CD1B: variants seen among roughly 807,000 people sequenced by gnomAD.
CD1B encodes T-cell surface glycoprotein CD1b.
A neutral mutation model predicts 39.8 loss-of-function variants in CD1B; 43 were observed. That is an observed-to-expected ratio of 1.08 (90% CI 0.85 to 1.39). The LOEUF is 1.39. CD1B is among the 40% of genes most tolerant of loss of function. The probability of loss-of-function intolerance (pLI) is 0.00; values close to 1 mark genes in which losing one functional copy is unlikely to be tolerated. For missense variants in CD1B, 495 were observed against 403.8 expected (o/e 1.23, Z -1.94); for synonymous variants, 192 against 152.5 (o/e 1.26, Z -1.91).
the CD1B span, among the ~76,000 whole-genome samples, chr1:158,304,857 C>A: frequency 1.3e-5 from 2 of 152,222 alleles, no homozygotes; most frequent in Non-Finnish European, 2.9e-5. Flanking sequence ...CAAACTCCAA[C>A]AGACCTGCTG....
At chr1:158,286,641 C>T in the CD1B span, among the ~76,000 whole-genome samples, 1 of 152,144 alleles carries the variant, frequency 6.6e-6, no homozygotes, top group Non-Finnish European at 1.5e-5. Context: ...AGCAGGACTA[C>T]ATATCAGTCA....
the CD1B span, among the ~76,000 whole-genome samples, chr1:158,319,526 G>T: frequency 6.6e-6 from 1 of 152,116 alleles, no homozygotes; most frequent in African/African-American, 2.4e-5. Flanking sequence ...ACTCCTTTAA[G>T]CACTTCTCTG....
intron 1 of CD1B, 88 bp from the exon 2 acceptor site, chr1:158,331,150 A>G: frequency 7.3e-7 from 1 of 1,366,090 alleles, no homozygotes; most frequent in African/African-American, 1.5e-5. Flanking sequence ...GATTTAGAAA[A>G]CAAGAACCTA....
Position 158,329,944 on chromosome 1 carries a change from A to G in CD1B, c.515T>C (p.Ile172Thr). ...GAGGAGAATTCTCACAGTTTCCATGATACCTTGATATTGTATGATTAGTGC... is the reference window on the plus strand; with the variant it reads ...GAGGAGAATTCTCACAGTTTCCATGGTACCTTGATATTGTATGATTAGTGC... ...FCALIIQYQGIMETVRILLYE... is the reference protein window; with the variant it reads ...FCALIIQYQGTMETVRILLYE... Residue 172 changes from isoleucine to threonine, a missense_variant, in exon 3 of 6, where the codon ATC becomes ACC. By Grantham distance (89) the Ile-to-Thr change is moderately conservative. Transcript: ENST00000368168. The G allele has an allele frequency of 6.2e-7, 1 of 1,613,946 alleles. No homozygotes were observed. The highest frequency in any genetic ancestry group is 8.5e-7 in the Non-Finnish European group (1 of 1,179,974).
the CD1B span, among the ~76,000 whole-genome samples, chr1:158,301,304 T>C: frequency 1.3e-5 from 2 of 152,184 alleles, no homozygotes; most frequent in African/African-American, 4.8e-5. Context: ...AAGGTTAATA[T>C]TAAGTGTGAA....
the CD1B span, among the ~76,000 whole-genome samples, chr1:158,313,081 C>T: frequency 1.3e-5 from 2 of 151,914 alleles, no homozygotes; most frequent in Non-Finnish European, 2.9e-5. Context: ...CTATCAAATG[C>T]TTTCTCTGTT....
At chr1:158,302,915 A>G in the CD1B span, among the ~76,000 whole-genome samples, 1 of 152,140 alleles carries the variant, frequency 6.6e-6, no homozygotes, top group African/African-American at 2.4e-5. Flanking sequence ...GGGAGTGATT[A>G]TTCCCTAACT....
chr1:158,292,074 C>T, the CD1B span: 11 of 1,602,236 alleles, frequency 6.9e-6, no homozygotes, highest in East Asian at 2.2e-4. Flanking sequence ...TCATTCCTCC[C>T]TTCCTCCAGA....
the CD1B span, among the ~76,000 whole-genome samples, chr1:158,297,949 C>CAAA: frequency 2.1e-4 from 27 of 129,410 alleles, no homozygotes; most frequent in South Asian, 7.1e-4. Flanking sequence ...TTAAAAAAGA[C>CAAA]AAAAAAAAAA....
chr1:158,303,729 C>T, the CD1B span, among the ~76,000 whole-genome samples: 1 of 151,988 alleles, frequency 6.6e-6, no homozygotes, highest in African/African-American at 2.4e-5. Flanking sequence ...AGTGAAAGAT[C>T]TCTACAACAA....
the CD1B span, among the ~76,000 whole-genome samples, chr1:158,313,438 G>T: frequency 2.5e-4 from 38 of 152,102 alleles, 1 homozygote; most frequent in Non-Finnish European, 1.0e-4. Context: ...AGCCTCCTGA[G>T]TAGCTAGGAC....
At chr1:158,314,704 G>T in the CD1B span, among the ~76,000 whole-genome samples, 3 of 151,416 alleles carry the variant, frequency 2.0e-5, no homozygotes, top group African/African-American at 7.3e-5. Flanking sequence ...TGTGCACATT[G>T]TGCATGTTAG....
the CD1B span, chr1:158,291,260 G>T: frequency 6.2e-7 from 1 of 1,614,056 alleles, no homozygotes; most frequent in Non-Finnish European, 8.5e-7. Context: ...AGTGAATCAG[G>T]CACAATAATT....
Position 158,331,049 on chromosome 1 carries a change from C to A in CD1B, c.75G>T (p.Pro25=), listed in dbSNP as rs779464101. Residue 25 remains proline (P), a synonymous_variant, in exon 2 of 6, where the codon CCG becomes CCT. Transcript: ENST00000368168. The part of the protein sequence containing the change: ...GGNSEHAFQG[P]TSFHVIQTSS... ...AGGTCTGGATAACATGAAAGGAGGT[C>A]GGCCCCTGGAAGGCTGTGAAGAGTG... The A allele has an allele frequency of 1.2e-6, 2 of 1,611,156 alleles. No homozygotes were observed. The highest frequency in any genetic ancestry group is 1.3e-5 in the African/African-American group (1 of 74,776).
At chr1:158,292,108 C>T in the CD1B span, 192 of 1,613,864 alleles carry the variant, frequency 1.2e-4, no homozygotes, top group Middle Eastern at 3.3e-4. Flanking sequence ...CAGGTGAAAG[C>T]GGGCTGTGAG....
At chr1:158,292,412 T>C in the CD1B span, 1 of 1,568,350 alleles carries the variant, frequency 6.4e-7, no homozygotes, top group Admixed American at 1.8e-5. Flanking sequence ...ATTCAAGTAC[T>C]GCCCCTTCTG....
the CD1B span, among the ~76,000 whole-genome samples, chr1:158,307,863 C>T: frequency 6.6e-6 from 1 of 152,090 alleles, no homozygotes; most frequent in Non-Finnish European, 1.5e-5. Context: ...TTATGACAAA[C>T]CCACAGGCAA....
downstream of CD1B, among the ~76,000 whole-genome samples, chr1:158,325,283 C>T (rs1007301208): frequency 6.6e-6 from 1 of 152,038 alleles, no homozygotes; most frequent in Non-Finnish European, 1.5e-5. Context: ...AACAATACTA[C>T]CAGGTTAAAT....
chr1:158,300,799 C>T, the CD1B span, among the ~76,000 whole-genome samples: 1 of 147,642 alleles, frequency 6.8e-6, no homozygotes, highest in African/African-American at 2.5e-5. Flanking sequence ...CACTCTGTCA[C>T]CCAGGCTGGA....
Sources: allele counts gnomAD v4.1 joint callset (sites outside exome capture counted in the v4.1 genomes callset), GRCh38; gene constraint gnomAD v4.1.1; transcripts MANE v1.5; gene names NCBI Gene and HGNC (gene_info 2026-07-23, HGNC 2026-07-21).